NR2F1-AS1: variants seen among roughly 807,000 people sequenced by gnomAD.
The protein encoded by NR2F1-AS1 is NR2F1 antisense RNA 1.
At chr5:93,468,574 A>C (rs1054018789) in intron 4 of NR2F1-AS1, among the ~76,000 whole-genome samples, 2 of 152,048 alleles carry the variant, frequency 1.3e-5, no homozygotes, top group African/African-American at 4.8e-5. Flanking sequence ...AGATTGCAAA[A>C]ATTTTCTACC....
chr5:93,493,388 G>T (rs1298979165), intron 4 of NR2F1-AS1, among the ~76,000 whole-genome samples: 1 of 151,836 alleles, frequency 6.6e-6, no homozygotes, highest in African/African-American at 2.4e-5. Flanking sequence ...ATAAAACATC[G>T]CTGAAAGAAA....
chr5:93,495,795 T>A (rs1750948062), intron 4 of NR2F1-AS1, among the ~76,000 whole-genome samples: 1 of 152,018 alleles, frequency 6.6e-6, no homozygotes, highest in South Asian at 2.1e-4. Flanking sequence ...AGGAAATTAT[T>A]TCCTCTTAAA....
intron 4 of NR2F1-AS1, among the ~76,000 whole-genome samples, chr5:93,527,975 A>G (rs979768484): frequency 1.3e-5 from 2 of 152,256 alleles, no homozygotes; most frequent in African/African-American, 4.8e-5. Flanking sequence ...AGCAATGGCA[A>G]CAAAAGCCAA....
At chr5:93,489,595 TAGAGA>T (rs1561464802) in intron 4 of NR2F1-AS1, among the ~76,000 whole-genome samples, 1 of 152,104 alleles carries the variant, frequency 6.6e-6, no homozygotes, top group Non-Finnish European at 1.5e-5. Flanking sequence ...AAGAGCTGAC[TAGAGA>T]AAAGTTTCTG....
chr5:93,503,961 G>A (rs1483821165), intron 4 of NR2F1-AS1, among the ~76,000 whole-genome samples: 1 of 152,156 alleles, frequency 6.6e-6, no homozygotes, highest in Admixed American at 6.5e-5. Flanking sequence ...CACTGAATCT[G>A]GGGGTTGTCT....
chr5:93,553,471 T>C (rs986205646), intron 4 of NR2F1-AS1, among the ~76,000 whole-genome samples: 4 of 152,222 alleles, frequency 2.6e-5, no homozygotes, highest in Admixed American at 6.5e-5. Flanking sequence ...ATAAGAGTCA[T>C]GAATTACAAG....
At chr5:93,525,346 C>T (rs1347243883) in intron 4 of NR2F1-AS1, among the ~76,000 whole-genome samples, 1 of 152,114 alleles carries the variant, frequency 6.6e-6, no homozygotes, top group Non-Finnish European at 1.5e-5. Flanking sequence ...TAAAGGAGCA[C>T]CCAGATTCAT....
At position 93,530,190 on chromosome 5, in the gene NR2F1-AS1, C is replaced by T. The variant is rs1751706816; in HGVS notation, n.638+23571G>A. ...CCACCTCCTGGGTTCAAGCAATTCT[C>T]CTGCCTCAGCCTCCACAGTAGCTGG... On this transcript the variant is annotated intron_variant and non_coding_transcript_variant, in intron 4 of 5. Transcript: ENST00000660523. 3.3e-5 allele frequency among the ~76,000 whole-genome samples: 5 copies of T among 150,584 alleles called. No homozygotes were observed. In the Admixed American group the frequency reaches 3.3e-4, roughly 10 times the overall value.
At chr5:93,444,303 C>T (rs1203357331) in intron 4 of NR2F1-AS1, among the ~76,000 whole-genome samples, 1 of 152,128 alleles carries the variant, frequency 6.6e-6, no homozygotes, top group Non-Finnish European at 1.5e-5. Flanking sequence ...ATTCAGGAGA[C>T]TCATCTCAGG....
At chr5:93,544,263 C>T (rs1282703911) in intron 4 of NR2F1-AS1, among the ~76,000 whole-genome samples, 1 of 152,102 alleles carries the variant, frequency 6.6e-6, no homozygotes, top group Admixed American at 6.5e-5. Context: ...TCACAATGAG[C>T]TCACAGGCAG....
intron 4 of NR2F1-AS1, among the ~76,000 whole-genome samples, chr5:93,549,177 T>A (rs1230678874): frequency 1.3e-5 from 2 of 152,166 alleles, no homozygotes; most frequent in Non-Finnish European, 2.9e-5. Flanking sequence ...TCAAGAACTT[T>A]AGATAATTTT....
At chr5:93,581,686 CT>C (rs1753043317), upstream of NR2F1-AS1, among the ~76,000 whole-genome samples, 1 of 50,384 alleles carries the variant, frequency 2.0e-5, no homozygotes, top group Non-Finnish European at 3.8e-5. Context: ...CTCTCTCTCT[CT>C]CTCTCTCTCT....
intron 4 of NR2F1-AS1, among the ~76,000 whole-genome samples, chr5:93,503,163 TAAAC>T (rs1441247489): frequency 2.6e-5 from 4 of 152,116 alleles, no homozygotes; most frequent in Non-Finnish European, 5.9e-5. Context: ...TAAAATGAAA[TAAAC>T]TAACTTATGT....
intron 4 of NR2F1-AS1, among the ~76,000 whole-genome samples, chr5:93,538,800 G>A (rs1434441928): frequency 6.6e-6 from 1 of 152,096 alleles, no homozygotes; most frequent in East Asian, 1.9e-4. Flanking sequence ...TGGGTCTTTA[G>A]AAGTTTAGTG....
At chr5:93,436,111 A>T (rs981000300) in intron 4 of NR2F1-AS1, among the ~76,000 whole-genome samples, 6 of 152,336 alleles carry the variant, frequency 3.9e-5, no homozygotes, top group African/African-American at 1.4e-4. Context: ...AAGTAGAACT[A>T]TTTGTCTTTT....
chr5:93,555,759 A>G (rs1038360690), intron 2 of NR2F1-AS1, among the ~76,000 whole-genome samples: 1 of 152,158 alleles, frequency 6.6e-6, no homozygotes, highest in African/African-American at 2.4e-5. Flanking sequence ...ACATATTTAG[A>G]CAATACTACA....
intron 4 of NR2F1-AS1, among the ~76,000 whole-genome samples, chr5:93,528,295 C>T (rs1186092019): frequency 3.3e-5 from 5 of 152,068 alleles, no homozygotes; most frequent in Non-Finnish European, 7.4e-5. Flanking sequence ...TCAGTGCTCA[C>T]TTTGACAGCA....
intron 4 of NR2F1-AS1, among the ~76,000 whole-genome samples, chr5:93,488,372 A>G (rs1261041242): frequency 6.6e-6 from 1 of 152,224 alleles, no homozygotes; most frequent in African/African-American, 2.4e-5. Context: ...AGAATCTACA[A>G]GGAACTTAAA....
At chr5:93,495,654 T>C (rs1750943843) in intron 4 of NR2F1-AS1, among the ~76,000 whole-genome samples, 2 of 152,116 alleles carry the variant, frequency 1.3e-5, no homozygotes, top group Admixed American at 6.6e-5. Context: ...CCTCAAAGTT[T>C]TGAATCTTTA....
Sources: gnomAD v4.1 joint callset for allele counts (sites outside exome capture counted in the v4.1 genomes callset) on GRCh38, gnomAD v4.1.1 for gene constraint, MANE v1.5 for transcripts, NCBI Gene and HGNC (gene_info 2026-07-23, HGNC 2026-07-21) for gene names.